The following FBXO42 variants were observed in gnomAD, a reference collection of about 807,000 sequenced individuals.
The protein encoded by FBXO42 is F-box protein 42, also known as F-box only protein 42.
A neutral mutation model predicts 71.7 loss-of-function variants in FBXO42; 12 were observed. The ratio of observed to expected loss-of-function variants is 0.17; its 90% CI spans 0.11 to 0.27. The LOEUF (loss-of-function observed/expected upper bound fraction) is 0.27. Among genes scored for constraint, FBXO42 ranks in the 10% least tolerant of loss-of-function variants. The pLI is 1.00. For missense variants in FBXO42, 707 were observed against 911.9 expected (o/e 0.78, Z 2.89); for synonymous variants, 325 against 327.5 (o/e 0.99, Z 0.08).
At chr1:16,342,708 G>A (rs1005673719) in intron 1 of FBXO42, among the ~76,000 whole-genome samples, 4 of 151,910 alleles carry the variant, frequency 2.6e-5, no homozygotes, top group Non-Finnish European at 4.4e-5. Context: ...AAGGTTTGTC[G>A]CCACCAAAAC....
intron 4 of FBXO42, among the ~76,000 whole-genome samples, chr1:16,258,656 C>T (rs900905721): frequency 2.0e-5 from 3 of 152,112 alleles, no homozygotes; most frequent in Non-Finnish European, 4.4e-5. Context: ...TGTGCCTGTC[C>T]GTGTCAACTA....
intron 4 of FBXO42, among the ~76,000 whole-genome samples, chr1:16,286,843 C>G (rs1216033981): frequency 6.6e-6 from 1 of 152,184 alleles, no homozygotes; most frequent in Non-Finnish European, 1.5e-5. Flanking sequence ...GAAGAGTCAT[C>G]TTGATTGCTT....
chr1:16,284,929 A>G (rs2082006060), intron 4 of FBXO42, among the ~76,000 whole-genome samples: 1 of 151,504 alleles, frequency 6.6e-6, no homozygotes, highest in East Asian at 1.9e-4. Context: ...AGATTGCACC[A>G]CTGAACTCCA....
In FBXO42 at chr1:16,251,555, G is replaced by A; in HGVS notation, c.1269C>T (p.Ser423=). ...PRAQRQTPSG[S]REGSLSPARG... Reference sequence around the variant, plus strand: ...TGGCTGGGGAAAGGCTCCCTTCCCGGGAACCTGAAGGAGTCTGCCTTTGAG... The same window carrying A: ...TGGCTGGGGAAAGGCTCCCTTCCCGAGAACCTGAAGGAGTCTGCCTTTGAG... Residue 423 remains serine (S), a synonymous_variant, in exon 10 of 10, where the codon TCC becomes TCT. Transcript: ENST00000375592. The surrounding 1 kb of genome is among the most constrained non-coding windows in gnomAD (Gnocchi z 4.5). 1 of 1,614,118 alleles carries A rather than the reference G, an allele frequency of 6.2e-7. No individual in the cohort carries two copies. Among genetic ancestry groups the A allele is most frequent in the Non-Finnish European group, 8.5e-7 (1 of 1,179,988 alleles).
intron 4 of FBXO42, among the ~76,000 whole-genome samples, chr1:16,271,246 CGTGTGTGTGTTG>C (rs1171137895): frequency 1.5e-5 from 2 of 131,644 alleles, no homozygotes; most frequent in Non-Finnish European, 3.2e-5. Flanking sequence ...CTACTGTGTG[CGTGTGTGTGTTG>C]GTGTGTGTGT....
At chr1:16,324,202 T>A (rs2082432254) in intron 1 of FBXO42, among the ~76,000 whole-genome samples, 1 of 152,142 alleles carries the variant, frequency 6.6e-6, no homozygotes, top group Non-Finnish European at 1.5e-5. Context: ...TCAACAAATA[T>A]CAATGAAACA....
At chr1:16,257,218 G>T (rs1362262623) in intron 4 of FBXO42, among the ~76,000 whole-genome samples, 2 of 152,178 alleles carry the variant, frequency 1.3e-5, no homozygotes, top group Non-Finnish European at 2.9e-5. Flanking sequence ...CATAGAGGCT[G>T]GATGTCTGGA....
intron 4 of FBXO42, among the ~76,000 whole-genome samples, chr1:16,271,859 C>A (rs2081849296): frequency 6.6e-6 from 1 of 151,750 alleles, no homozygotes; most frequent in South Asian, 2.1e-4. Context: ...CCTCTGTAGG[C>A]TGGGCGCAGT....
chr1:16,339,090 G>C (rs1010375497), intron 1 of FBXO42, among the ~76,000 whole-genome samples: 1 of 151,198 alleles, frequency 6.6e-6, no homozygotes, highest in Non-Finnish European at 1.5e-5. Flanking sequence ...GATTACAGGC[G>C]TAAGCCACCC....
rs1299447954 is a variant in FBXO42, at chr1:16,302,281, C to T, written c.367+3522G>A. ...GGGCAGGCCGGGTGCGGTAGCTCAA[C>T]GCCTGTAATCTAGGCACTTAGCAAG... On this transcript the variant is annotated intron_variant, in intron 3 of 9. Coordinates refer to ENST00000375592, the MANE Select transcript of FBXO42 (RefSeq NM_018994.3). 5.9e-5 allele frequency among the ~76,000 whole-genome samples: 9 copies of T among 152,284 alleles called. No homozygotes were observed. The East Asian group carries it at 9.6e-4, about 16-fold the overall frequency.
intron 4 of FBXO42, among the ~76,000 whole-genome samples, chr1:16,261,841 C>T (rs186173267): frequency 4.0e-4 from 61 of 152,138 alleles, no homozygotes; most frequent in African/African-American, 1.4e-3. Flanking sequence ...GTAGCTGGGA[C>T]TACAGGCACC....
chr1:16,315,502 AC>A (rs2082355259), intron 1 of FBXO42, 67 bp from the exon 2 acceptor site: 2 of 1,487,670 alleles, frequency 1.3e-6, no homozygotes, highest in Middle Eastern at 1.8e-4. Context: ...TCAGGCATGT[AC>A]ATCCAAGCTC....
At chr1:16,309,919 A>G (rs12122897) in intron 2 of FBXO42, among the ~76,000 whole-genome samples, 49,375 of 150,530 alleles carry the variant, frequency 0.33, 8,372 homozygotes, top group Non-Finnish European at 0.37. Context: ...AAATTGGCCG[A>G]GCGCAGTGGC....
intron 3 of FBXO42, among the ~76,000 whole-genome samples, chr1:16,300,856 T>A (rs2082184567): frequency 6.6e-6 from 1 of 151,752 alleles, no homozygotes; most frequent in Admixed American, 6.6e-5. Flanking sequence ...CTTGCATGAT[T>A]AGCTATGCAC....
At chr1:16,326,014 T>TTG (rs34752325) in intron 1 of FBXO42, among the ~76,000 whole-genome samples, 32,331 of 137,388 alleles carry the variant, frequency 0.24, 4,180 homozygotes, top group South Asian at 0.38. Flanking sequence ...GTGCCCAAAT[T>TTG]TGTGTGTGTG....
chr1:16,306,049 G>A, intron 2 of FBXO42, 130 bp from the exon 3 acceptor site: 1 of 649,266 alleles, frequency 1.5e-6, no homozygotes, highest in Non-Finnish European at 2.6e-6. Flanking sequence ...TTGAGATGGA[G>A]TCTCACTCTG....
At chr1:16,269,653 G>A (rs1029139268) in intron 4 of FBXO42, among the ~76,000 whole-genome samples, 6 of 151,800 alleles carry the variant, frequency 4.0e-5, no homozygotes, top group Admixed American at 2.0e-4. Flanking sequence ...AGCCTCCCGA[G>A]TAGCTGGGAT....
chr1:16,255,740 G>A lies in FBXO42; in HGVS notation c.738C>T (p.Val246=). 1 of 1,614,074 alleles carries A rather than the reference G, an allele frequency of 6.2e-7. No individual in the cohort carries two copies. The highest frequency in any genetic ancestry group is 8.5e-7 in the Non-Finnish European group (1 of 1,179,990). ...SSCVIDDKMI[V]FGGSLGSRQM... is the part of the protein sequence containing the mutation. ...GCCGGGATCCTAAAGAGCCACCAAA[G>A]ACAATCATTTTATCATCTATCACAC... Residue 246 remains valine (V), a synonymous_variant, in exon 6 of 10, where the codon GTC becomes GTT. Coordinates refer to ENST00000375592, the MANE Select transcript of FBXO42 (RefSeq NM_018994.3).
At chr1:16,326,030 G>GTGTGTGTGTGTGTGTGTA (rs2082446042) in intron 1 of FBXO42, among the ~76,000 whole-genome samples, 1 of 150,094 alleles carries the variant, frequency 6.7e-6, no homozygotes, top group East Asian at 2.0e-4. Flanking sequence ...GTGTGTGTGT[G>GTGTGTGTGTGTGTGTGTA]TGTGTGTGTG....
Sources: allele counts gnomAD v4.1 joint callset (sites outside exome capture counted in the v4.1 genomes callset), GRCh38; gene constraint gnomAD v4.1.1; non-coding constraint Gnocchi (gnomAD v3.1); transcripts MANE v1.5; gene names NCBI Gene and HGNC (gene_info 2026-07-23, HGNC 2026-07-21).